Variants in GTF2I observed in about 807,000 individuals in gnomAD.
GTF2I encodes general transcription factor IIi.
A neutral mutation model predicts 67.6 loss-of-function variants in GTF2I; 12 were observed. The ratio of observed to expected loss-of-function variants is 0.18; its 90% confidence interval spans 0.11 to 0.29. The LOEUF is 0.29. GTF2I is among the 10% of genes least tolerant of loss of function. GTF2I has a pLI of 1.00. For synonymous variants in GTF2I, 149 were observed against 197.0 expected, an observed-to-expected ratio of 0.76 and a Z score of 2.04; for missense variants, 271 against 580.1, an observed-to-expected ratio of 0.47 and a Z score of 5.47.
chr7:74,663,009 G>C (rs1804658891), intron 1 of GTF2I, among the ~76,000 whole-genome samples: 1 of 152,098 alleles, frequency 6.6e-6, no homozygotes, highest in Non-Finnish European at 1.5e-5. Flanking sequence ...ATGACCCATA[G>C]GTGGACAGGT....
chr7:74,701,533 C>A (rs1789753912), intron 6 of GTF2I, among the ~76,000 whole-genome samples: 1 of 151,812 alleles, frequency 6.6e-6, no homozygotes, highest in African/African-American at 2.4e-5. Flanking sequence ...TGCAGTGGCG[C>A]GATCTTGGCT....
At chr7:74,667,301 C>A (rs117292797) in intron 1 of GTF2I, among the ~76,000 whole-genome samples, 25 of 152,122 alleles carry the variant, frequency 1.6e-4, no homozygotes, top group Non-Finnish European at 2.8e-4. Context: ...CGAGATCTTG[C>A]CACTGCTCTC....
At chr7:74,685,762 G>A (rs1263046708) in intron 1 of GTF2I, among the ~76,000 whole-genome samples, 1 of 151,474 alleles carries the variant, frequency 6.6e-6, no homozygotes, top group East Asian at 1.9e-4. Context: ...GCTAGACTCC[G>A]TCTTAAAAAA....
intron 9 of GTF2I, among the ~76,000 whole-genome samples, chr7:74,714,581 A>AT (rs1554403202): frequency 1.3e-5 from 2 of 152,084 alleles, no homozygotes; most frequent in Non-Finnish European, 2.9e-5. Flanking sequence ...CACATCTTCC[A>AT]TTTTAGACAT....
intron 14 of GTF2I, 97 bp from the exon 15 acceptor site, chr7:74,732,382 A>T (rs1243078433): frequency 2.4e-5 from 28 of 1,148,452 alleles, no homozygotes; most frequent in South Asian, 2.0e-4. Context: ...TCAAAAAAAT[A>T]AAAAAAAAGT....
chr7:74,694,983 G>A (rs1788744655), intron 3 of GTF2I, among the ~76,000 whole-genome samples: 1 of 152,156 alleles, frequency 6.6e-6, no homozygotes, highest in Admixed American at 6.6e-5. Flanking sequence ...CACATCTCTT[G>A]ATAGTGTTGT....
At chr7:74,688,802 C>T (rs1019462280) in intron 1 of GTF2I, 9 of 250,732 alleles carry the variant, frequency 3.6e-5, no homozygotes, top group South Asian at 1.2e-4. Flanking sequence ...TTGTGGTTGC[C>T]CGTCACTGGG....
chr7:74,722,359 G>A (rs587713781), intron 12 of GTF2I, among the ~76,000 whole-genome samples: 2 of 152,262 alleles, frequency 1.3e-5, no homozygotes, highest in South Asian at 2.1e-4. Context: ...CGTAAACACC[G>A]TGACTACATT....
At chr7:74,675,987 G>A (rs144169439) in intron 1 of GTF2I, among the ~76,000 whole-genome samples, 1,941 of 152,216 alleles carry the variant, frequency 0.013, 42 homozygotes, top group African/African-American at 0.044. Context: ...TGCAGCCTGG[G>A]TGACAGAGCA....
intron 12 of GTF2I, among the ~76,000 whole-genome samples, chr7:74,720,956 A>T (rs1554404493): frequency 6.6e-6 from 1 of 151,860 alleles, no homozygotes; most frequent in African/African-American, 2.4e-5. Context: ...TGGCTCATGA[A>T]CCTGAAGCTT....
chr7:74,694,953 C>T (rs1788741569), intron 3 of GTF2I, among the ~76,000 whole-genome samples: 1 of 152,140 alleles, frequency 6.6e-6, no homozygotes, highest in Non-Finnish European at 1.5e-5. Context: ...ATTGATAGAA[C>T]AATAAAGCCT....
intron 1 of GTF2I, among the ~76,000 whole-genome samples, chr7:74,688,250 TG>T (rs1787920545): frequency 6.6e-6 from 1 of 152,046 alleles, no homozygotes. Flanking sequence ...GGCTCATTTT[TG>T]TATTTTTAGT....
intron 1 of GTF2I, among the ~76,000 whole-genome samples, chr7:74,682,009 G>A (rs184453884): frequency 6.6e-6 from 1 of 152,296 alleles, no homozygotes; most frequent in African/African-American, 2.4e-5. Context: ...TGGCTGTCAG[G>A]TCTGCCTTAG....
intron 1 of GTF2I, among the ~76,000 whole-genome samples, chr7:74,660,384 GT>G (rs1804368703): frequency 6.6e-6 from 1 of 151,704 alleles, no homozygotes; most frequent in African/African-American, 2.4e-5. Flanking sequence ...TAGAGACGGT[GT>G]TTCGCCATGT....
intron 1 of GTF2I, among the ~76,000 whole-genome samples, chr7:74,677,123 T>G (rs1386233105): frequency 6.6e-6 from 1 of 152,062 alleles, no homozygotes; most frequent in East Asian, 1.9e-4. Flanking sequence ...ATGAAAAGAT[T>G]TAGGCGGCCT....
intron 1 of GTF2I, among the ~76,000 whole-genome samples, chr7:74,685,181 A>G (rs1365006877): frequency 6.6e-6 from 1 of 152,188 alleles, no homozygotes; most frequent in Non-Finnish European, 1.5e-5. Flanking sequence ...CAGAGACTAA[A>G]GTGAAGTTAC....
chr7:74,724,550 C>T (rs782492657), intron 12 of GTF2I, among the ~76,000 whole-genome samples: 13 of 152,104 alleles, frequency 8.5e-5, no homozygotes, highest in Non-Finnish European at 1.6e-4. Context: ...GTGTTGCCAA[C>T]TTGAAGGTAT....
At chr7:74,674,315 G>A (rs1238576348) in intron 1 of GTF2I, among the ~76,000 whole-genome samples, 2 of 151,882 alleles carry the variant, frequency 1.3e-5, no homozygotes, top group African/African-American at 4.8e-5. Context: ...GCCCTCCCAC[G>A]TCAGCATCCC....
At chr7:74,677,121 A>T (rs1321681266) in intron 1 of GTF2I, among the ~76,000 whole-genome samples, 2 of 152,162 alleles carry the variant, frequency 1.3e-5, no homozygotes, top group Non-Finnish European at 2.9e-5. Context: ...AGATGAAAAG[A>T]TTTAGGCGGC....
Sources: gnomAD v4.1 joint callset for allele counts (sites outside exome capture counted in the v4.1 genomes callset) on GRCh38, gnomAD v4.1.1 for gene constraint, MANE v1.5 for transcripts, NCBI Gene and HGNC (gene_info 2026-07-23, HGNC 2026-07-21) for gene names.